Variants in STAU1 observed in about 807,000 individuals in gnomAD.
STAU1 encodes the protein double-stranded RNA-binding protein Staufen homolog 1.
A neutral mutation model predicts 62.9 loss-of-function variants in STAU1; 13 were observed. The ratio of observed to expected loss-of-function variants is 0.21; its 90% CI spans 0.13 to 0.33. STAU1 has a LOEUF of 0.33. STAU1 is among the 10% of genes least tolerant of loss of function. The probability of loss-of-function intolerance (pLI) is 1.00; values close to 1 mark genes in which losing one functional copy is unlikely to be tolerated. For missense variants in STAU1, 571 were observed against 712.1 expected (o/e 0.80, Z 2.25); for synonymous variants, 269 against 265.1 (o/e 1.01, Z -0.14).
At chr20:49,192,188 T>C (rs2093832185), upstream of STAU1, among the ~76,000 whole-genome samples, 1 of 150,486 alleles carries the variant, frequency 6.6e-6, no homozygotes, top group South Asian at 2.1e-4. Context: ...CTACTAAAAA[T>C]ACAAAAAATT....
the STAU1 span, among the ~76,000 whole-genome samples, chr20:49,215,287 C>T: frequency 2.0e-5 from 3 of 152,230 alleles, no homozygotes; most frequent in Non-Finnish European, 4.4e-5. Context: ...CCCCTAACCA[C>T]ATGCCTCAGG....
At chr20:49,125,096 CAA>C (rs1317043258) in intron 6 of STAU1, among the ~76,000 whole-genome samples, 6 of 101,064 alleles carry the variant, frequency 5.9e-5, no homozygotes, top group African/African-American at 2.3e-4. Context: ...AAAAAACCCA[CAA>C]AAGAGTATAT....
At chr20:49,196,201 C>A in the STAU1 span, among the ~76,000 whole-genome samples, 14 of 151,176 alleles carry the variant, frequency 9.3e-5, no homozygotes, top group Non-Finnish European at 2.1e-4. Context: ...CATTGGGAGG[C>A]CGAGGCGGGC....
intron 1 of STAU1, among the ~76,000 whole-genome samples, chr20:49,175,030 C>T (rs2093642223): frequency 6.6e-6 from 1 of 151,976 alleles, no homozygotes; most frequent in African/African-American, 2.4e-5. Context: ...TGATGGCACA[C>T]CTGTAGTCCC....
chr20:49,159,068 TG>T, intron 3 of STAU1: 1 of 1,264,870 alleles, frequency 7.9e-7, no homozygotes, highest in Non-Finnish European at 1.0e-6. Flanking sequence ...GAAGGTCAAA[TG>T]GCAGAAGCCT....
chr20:49,134,485 G>A (rs927772219), intron 6 of STAU1: 15 of 984,118 alleles, frequency 1.5e-5, no homozygotes, highest in East Asian at 1.1e-4. Context: ...CCAAGATGCC[G>A]GCTCATTACT....
At chr20:49,160,740 T>C (rs1331647885) in intron 3 of STAU1, among the ~76,000 whole-genome samples, 2 of 152,228 alleles carry the variant, frequency 1.3e-5, no homozygotes, top group Non-Finnish European at 2.9e-5. Flanking sequence ...AATACTCACT[T>C]TGAGACTACA....
At chr20:49,167,917 C>T (rs1298044568) in intron 2 of STAU1, among the ~76,000 whole-genome samples, 1 of 152,134 alleles carries the variant, frequency 6.6e-6, no homozygotes, top group Non-Finnish European at 1.5e-5. Context: ...GCTCCAGAAT[C>T]TACCCCCATC....
chr20:49,192,037 C>T (rs2146673147), upstream of STAU1, among the ~76,000 whole-genome samples: 1 of 149,614 alleles, frequency 6.7e-6, no homozygotes, highest in African/African-American at 2.5e-5. Context: ...GGCAAGAGAG[C>T]GAGACTCCAT....
the STAU1 span, among the ~76,000 whole-genome samples, chr20:49,204,592 T>TTATATATATA: frequency 0.021 from 976 of 45,564 alleles, 17 homozygotes; most frequent in Non-Finnish European, 0.029. Context: ...GGATTTTACA[T>TTATATATATA]TATATATATA....
intron 1 of STAU1, among the ~76,000 whole-genome samples, chr20:49,186,776 C>T (rs1192896656): frequency 6.6e-6 from 1 of 151,904 alleles, no homozygotes; most frequent in Non-Finnish European, 1.5e-5. Flanking sequence ...TTGGTAAGCA[C>T]GGATTCCTGA....
chr20:49,175,307 G>A (rs1028569438), intron 1 of STAU1, among the ~76,000 whole-genome samples: 20 of 151,986 alleles, frequency 1.3e-4, no homozygotes, highest in Admixed American at 1.3e-3. Context: ...CTCCAGCCTG[G>A]GCCACAGAGT....
chr20:49,171,585 C>A (rs2093597863), intron 2 of STAU1, among the ~76,000 whole-genome samples: 1 of 152,222 alleles, frequency 6.6e-6, no homozygotes, highest in South Asian at 2.1e-4. Context: ...CCGCACCCAG[C>A]CTATACCAGT....
chr20:49,210,915 A>T, the STAU1 span, among the ~76,000 whole-genome samples: 1 of 152,156 alleles, frequency 6.6e-6, no homozygotes, highest in Non-Finnish European at 1.5e-5. Context: ...AAAACATTTT[A>T]ATCACTCCAA....
chr20:49,134,464 C>G, intron 6 of STAU1: 2 of 720,186 alleles, frequency 2.8e-6, no homozygotes, highest in South Asian at 3.2e-5. Flanking sequence ...TGGGTTGAAA[C>G]CCGGGCGCCG....
At chr20:49,128,771 TCCAAAAAA>T (rs1568839975) in intron 6 of STAU1, among the ~76,000 whole-genome samples, 2 of 27,188 alleles carry the variant, frequency 7.4e-5, no homozygotes, top group African/African-American at 1.6e-4. Flanking sequence ...GACATCCAAA[TCCAAAAAA>T]AAAAAAAAAA....
intron 6 of STAU1, among the ~76,000 whole-genome samples, chr20:49,126,588 C>CAAAAAAAAAACAAAACAAAACAA (rs1568835758): frequency 2.3e-4 from 13 of 56,376 alleles, no homozygotes; most frequent in African/African-American, 7.0e-4. Flanking sequence ...AAAAAAAAAA[C>CAAAAAAAAAACAAAACAAAACAA]AAAAAAAAAA....
intron 6 of STAU1, among the ~76,000 whole-genome samples, chr20:49,128,400 G>A (rs1054222342): frequency 4.6e-5 from 7 of 152,048 alleles, no homozygotes; most frequent in South Asian, 4.2e-4. Context: ...GAGAGCCATG[G>A]CTCTCCAGCA....
At chr20:49,175,995 C>T (rs1316191560) in intron 1 of STAU1, among the ~76,000 whole-genome samples, 1 of 151,706 alleles carries the variant, frequency 6.6e-6, no homozygotes, top group Admixed American at 6.6e-5. Context: ...GGGGTTTCAT[C>T]GTGTTAGCCA....
Sources: allele counts gnomAD v4.1 joint callset (sites outside exome capture counted in the v4.1 genomes callset), GRCh38; gene constraint gnomAD v4.1.1; transcripts MANE v1.5; gene names NCBI Gene and HGNC (gene_info 2026-07-23, HGNC 2026-07-21).